The following RFX1 variants were observed in gnomAD, a reference collection of about 807,000 sequenced individuals.
RFX1 encodes the protein MHC class II regulatory factor RFX1.
Under a neutral mutation model 119.6 loss-of-function variants are expected in RFX1, and 42 were observed. The ratio of observed to expected loss-of-function variants is 0.35; its 90% confidence interval spans 0.27 to 0.45. The LOEUF is 0.45. RFX1 is among the 20% of genes least tolerant of loss of function. The pLI, the probability that RFX1 is intolerant of heterozygous loss-of-function variation, is 1.00. For missense variants in RFX1, 1,118 were observed against 1,368.1 expected (o/e 0.82, Z 2.88); for synonymous variants, 628 against 618.5 (o/e 1.02, Z -0.23).
At chr19:14,005,726 C>A (rs554856130) in intron 1 of RFX1, among the ~76,000 whole-genome samples, 150 of 152,254 alleles carry the variant, frequency 9.9e-4, no homozygotes, top group African/African-American at 3.4e-3. Context: ...CCAGCCGGCC[C>A]CGCCCATACC....
At chr19:13,978,957 G>A (rs1322186433) in intron 7 of RFX1, among the ~76,000 whole-genome samples, 1 of 151,636 alleles carries the variant, frequency 6.6e-6, no homozygotes, top group East Asian at 1.9e-4. Flanking sequence ...GCGGCGGCTC[G>A]GGGCTGCCTA....
At chr19:13,987,047 C>T (rs1327671292) in intron 2 of RFX1, among the ~76,000 whole-genome samples, 2 of 152,210 alleles carry the variant, frequency 1.3e-5, no homozygotes, top group Non-Finnish European at 2.9e-5. Flanking sequence ...CTGACAAACA[C>T]ACTCCACTTC....
At chr19:13,976,889 G>A (rs537274000) in intron 8 of RFX1, among the ~76,000 whole-genome samples, 29 of 152,208 alleles carry the variant, frequency 1.9e-4, no homozygotes, top group African/African-American at 7.0e-4. Flanking sequence ...TGTAGTCCCA[G>A]CTACTAGGGA....
At chr19:13,978,741 G>A (rs993701295) in intron 7 of RFX1, among the ~76,000 whole-genome samples, 2 of 151,368 alleles carry the variant, frequency 1.3e-5, no homozygotes, top group Non-Finnish European at 3.0e-5. Flanking sequence ...CCGTGCGTCC[G>A]CCACCTACTT....
At chr19:13,996,718 CTTTTTT>C (rs767281958) in intron 1 of RFX1, among the ~76,000 whole-genome samples, 25 of 114,440 alleles carry the variant, frequency 2.2e-4, no homozygotes, top group African/African-American at 5.1e-4. Flanking sequence ...GGCTCATTTG[CTTTTTT>C]TTTTTTTTTT....
intron 2 of RFX1, among the ~76,000 whole-genome samples, chr19:13,989,212 C>A (rs191801965): frequency 1.3e-5 from 2 of 151,146 alleles, no homozygotes; most frequent in African/African-American, 2.4e-5. Context: ...CTGAGCCTGG[C>A]GGGTTTGTGG....
chr19:13,980,079 T>C lies in RFX1; in HGVS notation c.738+494A>G, dbSNP rs1227475312. Among the ~76,000 whole-genome samples the C allele has an allele frequency of 1.3e-5, 2 of 152,204 alleles. 1 individual carries two copies. The highest frequency in any genetic ancestry group is 1.3e-4 in the Admixed American group (2 of 15,300). ...ACACTTGGGGAAGGGTCTATGGATTTCATCTGTTTTTTCAAGGGGCTTGGA... is the reference window on the plus strand; with the variant it reads ...ACACTTGGGGAAGGGTCTATGGATTCCATCTGTTTTTTCAAGGGGCTTGGA... On this transcript the variant is annotated intron_variant, in intron 6 of 20. Transcript: ENST00000254325. This position sits in a 1 kb window ranked among gnomAD's most constrained non-coding sequence, Gnocchi z 5.1.
chr19:13,994,283 G>T (rs1599515311), intron 1 of RFX1, among the ~76,000 whole-genome samples: 1 of 152,198 alleles, frequency 6.6e-6, no homozygotes, highest in East Asian at 1.9e-4. Flanking sequence ...GTTCTCACTG[G>T]GTCACTCTCA....
In RFX1 at chr19:13,962,604, G is replaced by A. The variant is rs1241080359; in HGVS notation, c.*91C>T. 1.3e-5 allele frequency: 15 copies of A among 1,128,032 alleles called. No homozygotes were observed. The highest frequency in any genetic ancestry group is 1.7e-5 in the Non-Finnish European group (14 of 821,306). The allele number at this position is 1,128,032 out of a possible 1,614,324, so 69.9% of individuals were successfully genotyped here. A position where few individuals can be genotyped will look rare whatever the true frequency, so the allele number is the denominator to read the frequency against. ...GAGTCCCCCTCCCTGCCCTGGCTGA[G>A]GCTGGAGCAGTGACCACGAAGCCAC... On this transcript the variant is annotated 3_prime_UTR_variant, in exon 21 of 21. Transcript: ENST00000254325.
At chr19:13,971,455 G>A (rs978679033) in intron 9 of RFX1, among the ~76,000 whole-genome samples, 4 of 151,994 alleles carry the variant, frequency 2.6e-5, no homozygotes, top group Non-Finnish European at 4.4e-5. Flanking sequence ...CGAAGGGCCC[G>A]GTTGGGGTTG....
chr19:13,963,277 TG>T lies in RFX1; in HGVS notation c.2571-3del. 1 of 1,607,896 alleles carries T rather than the reference TG, an allele frequency of 6.2e-7. No individual in the cohort carries two copies. ...GTCAGGTCCCGGATCACCATGGAGC[TG>T]GGGATGGAGACGGAGAGGAGACCGT... is the stretch of plus-strand genomic sequence containing the variant. On this transcript the variant is annotated splice_polypyrimidine_tract_variant and splice_region_variant and intron_variant, in intron 18 of 20. Coordinates refer to ENST00000254325, the MANE Select transcript of RFX1 (RefSeq NM_002918.5).
intron 1 of RFX1, among the ~76,000 whole-genome samples, chr19:14,000,820 C>A (rs773041406): frequency 6.6e-6 from 1 of 152,154 alleles, no homozygotes; most frequent in African/African-American, 2.4e-5. Flanking sequence ...CCTGGACAGG[C>A]ATGGCGGCTC....
Position 13,964,013 on chromosome 19 carries a change from T to A in RFX1, c.2212-6A>T. ...AAGGCGCCAGCCGCGGCCACCTGCG[T>A]GCAGGGATTGAGGGGCTTGCTGCTT... On this transcript the variant is annotated splice_polypyrimidine_tract_variant and splice_region_variant and intron_variant, in intron 16 of 20. Coordinates refer to ENST00000254325, the MANE Select transcript of RFX1 (RefSeq NM_002918.5). 1 of 1,531,978 alleles carries A rather than the reference T, an allele frequency of 6.5e-7. No homozygotes were observed. The highest frequency in any genetic ancestry group is 8.7e-7 in the Non-Finnish European group (1 of 1,145,122). 94.9% of individuals were successfully genotyped at this position (1,531,978 alleles called of 1,614,324 possible). A position where few individuals can be genotyped will look rare whatever the true frequency, so the allele number is the denominator to read the frequency against.
chr19:13,979,960 G>A (rs1599493687), intron 6 of RFX1, among the ~76,000 whole-genome samples: 1 of 152,252 alleles, frequency 6.6e-6, no homozygotes, highest in Middle Eastern at 3.4e-3. Context: ...CTGAGTGGAG[G>A]AGCTGGGGCC....
At chr19:14,002,763 G>A (rs1263836935) in intron 1 of RFX1, among the ~76,000 whole-genome samples, 1 of 152,144 alleles carries the variant, frequency 6.6e-6, no homozygotes, top group African/African-American at 2.4e-5. Flanking sequence ...GGAAGACCAC[G>A]TCCTGTACAG....
At chr19:13,972,478 G>A (rs1454190337) in intron 9 of RFX1, among the ~76,000 whole-genome samples, 2 of 152,206 alleles carry the variant, frequency 1.3e-5, no homozygotes, top group African/African-American at 4.8e-5. Flanking sequence ...ACAGGTGTGA[G>A]CCACAGCGCC....
At chr19:13,972,561 G>A (rs1273747219) in intron 9 of RFX1, among the ~76,000 whole-genome samples, 182 bp downstream of exon 9, 1 of 152,184 alleles carries the variant, frequency 6.6e-6, no homozygotes, top group African/African-American at 2.4e-5. Flanking sequence ...GCCCAGAGAG[G>A]CTGAGTAATT....
At chr19:13,994,514 G>A (rs1486083703) in intron 1 of RFX1, among the ~76,000 whole-genome samples, 9 of 152,004 alleles carry the variant, frequency 5.9e-5, no homozygotes, top group South Asian at 2.1e-4. Context: ...TCAGGAGTTC[G>A]AGACCAGCCT....
intron 1 of RFX1, among the ~76,000 whole-genome samples, chr19:14,001,526 C>A (rs915700095): frequency 1.3e-5 from 2 of 152,180 alleles, no homozygotes; most frequent in African/African-American, 4.8e-5. Flanking sequence ...GTCTCAAACT[C>A]CTGGGCTTAA....
Sources: allele counts gnomAD v4.1 joint callset (sites outside exome capture counted in the v4.1 genomes callset), GRCh38; gene constraint gnomAD v4.1.1; non-coding constraint Gnocchi (gnomAD v3.1); transcripts MANE v1.5; gene names NCBI Gene and HGNC (gene_info 2026-07-23, HGNC 2026-07-21).